The following FUT8 variants were observed in gnomAD, a reference collection of about 807,000 sequenced individuals.
The protein encoded by FUT8 is alpha-(1,6)-fucosyltransferase.
A neutral mutation model predicts 71.3 loss-of-function variants in FUT8; 29 were observed. The observed-to-expected ratio is 0.41, with a 90% CI of 0.30 to 0.55. The LOEUF (loss-of-function observed/expected upper bound fraction) is 0.55. Among genes scored for constraint, FUT8 ranks in the 20% least tolerant of loss-of-function variants. FUT8 has a pLI of 0.34. For missense variants in FUT8, 544 were observed against 702.1 expected, an observed-to-expected ratio of 0.77 and a Z score of 2.55; for synonymous variants, 254 against 239.3, an observed-to-expected ratio of 1.06 and a Z score of -0.57.
At chr14:65,521,345 ATT>A in intron 2 of FUT8, among the ~76,000 whole-genome samples, 2 of 152,326 alleles carry the variant, frequency 1.3e-5, no homozygotes, top group East Asian at 3.9e-4. Context: ...AAACATATAT[ATT>A]AGTCTAAATG....
At chr14:65,450,895 T>C (rs1394728619) in intron 1 of FUT8, among the ~76,000 whole-genome samples, 1 of 151,380 alleles carries the variant, frequency 6.6e-6, no homozygotes, top group African/African-American at 2.4e-5. Flanking sequence ...GAGGGAGTCT[T>C]CCCTCTGTCG....
chr14:65,683,705 T>C (rs1386347715), intron 7 of FUT8, among the ~76,000 whole-genome samples: 1 of 152,156 alleles, frequency 6.6e-6, no homozygotes, highest in Non-Finnish European at 1.5e-5. Context: ...TTTATGTGGA[T>C]TGAAAAATAT....
At chr14:65,432,048 ATTGCCAAATGG>A (rs2065484956) in intron 1 of FUT8, among the ~76,000 whole-genome samples, 1 of 152,120 alleles carries the variant, frequency 6.6e-6, no homozygotes, top group Non-Finnish European at 1.5e-5. Context: ...GACCTTCTGA[ATTGCCAAATGG>A]GGATTCTTCA....
chr14:65,531,212 C>T (rs184331280), intron 2 of FUT8, among the ~76,000 whole-genome samples: 44 of 151,736 alleles, frequency 2.9e-4, no homozygotes, highest in Non-Finnish European at 3.7e-4. Context: ...GAGGTACTCA[C>T]GAAAGATTTA....
intron 7 of FUT8, among the ~76,000 whole-genome samples, chr14:65,682,469 C>T (rs2140412052): frequency 6.6e-6 from 1 of 151,926 alleles, no homozygotes; most frequent in East Asian, 1.9e-4. Context: ...CATGCCATTG[C>T]ACTCCAGCCT....
rs912095119 is a variant in FUT8 at position 65,742,944 on chromosome 14, T to A, written c.*534T>A. ...GTTTTTGTTTTTGTTTTTTCCTTTA[T>A]AAGGTTGTCTGTTTTTTTTTTTTTA... is the stretch of plus-strand genomic sequence containing the variant. On this transcript the variant is annotated 3_prime_UTR_variant, in exon 11 of 11. Coordinates refer to ENST00000673929, the MANE Select transcript of FUT8 (RefSeq NM_001371533.1). The A allele has an allele frequency of 4.0e-5, 6 of 151,730 alleles. No individual in the cohort carries two copies. Among genetic ancestry groups the A allele is most frequent in the Non-Finnish European group, 8.8e-5 (6 of 68,078 alleles). 9.4% of individuals were successfully genotyped at this position (151,730 alleles called of 1,614,324 possible).
chr14:65,580,563 A>G (rs1887037899), intron 3 of FUT8, among the ~76,000 whole-genome samples: 6 of 152,060 alleles, frequency 3.9e-5, no homozygotes, highest in Admixed American at 3.9e-4. Flanking sequence ...AAGTTTGTTG[A>G]AAACCAGCAA....
intron 7 of FUT8, among the ~76,000 whole-genome samples, chr14:65,683,302 CA>C (rs1261671517): frequency 6.6e-6 from 1 of 152,152 alleles, no homozygotes; most frequent in Non-Finnish European, 1.5e-5. Context: ...CGTGAGCCAC[CA>C]CTCCTGGCCA....
intron 2 of FUT8, among the ~76,000 whole-genome samples, chr14:65,458,459 C>G (rs1208040145): frequency 6.7e-6 from 1 of 148,602 alleles, no homozygotes; most frequent in Non-Finnish European, 1.5e-5. Context: ...GTCTTTCTGC[C>G]TTGGGGAAAT....
the FUT8 span, among the ~76,000 whole-genome samples, chr14:65,373,820 C>T: frequency 2.0e-5 from 3 of 152,212 alleles, no homozygotes; most frequent in Non-Finnish European, 4.4e-5. Context: ...AGGAGGGAAA[C>T]AGTGTAGAGA....
chr14:65,488,343 G>A (rs1449677599), intron 2 of FUT8: 1 of 152,132 alleles, frequency 6.6e-6, no homozygotes. Flanking sequence ...AGTCAAATGA[G>A]ATCATTTTTG....
At chr14:65,573,682 C>CTG (rs1210059045) in intron 3 of FUT8, among the ~76,000 whole-genome samples, 1 of 150,680 alleles carries the variant, frequency 6.6e-6, no homozygotes, top group Admixed American at 6.6e-5. Context: ...ATGATCGTGC[C>CTG]TGTGAATAGC....
intron 1 of FUT8, among the ~76,000 whole-genome samples, chr14:65,442,993 T>TGTACATTA (rs2065684470): frequency 1.3e-5 from 2 of 152,122 alleles, no homozygotes; most frequent in South Asian, 2.1e-4. Flanking sequence ...TCATTAAGTA[T>TGTACATTA]AGAAAATGTA....
At chr14:65,381,655 C>T in the FUT8 span, among the ~76,000 whole-genome samples, 1 of 152,172 alleles carries the variant, frequency 6.6e-6, no homozygotes, top group African/African-American at 2.4e-5. Flanking sequence ...ACTCAACTTT[C>T]CTCAACTTAA....
chr14:65,653,231 T>C (rs924535707), intron 6 of FUT8, among the ~76,000 whole-genome samples: 8 of 152,150 alleles, frequency 5.3e-5, no homozygotes, highest in African/African-American at 1.9e-4. Flanking sequence ...GGGCTATTTA[T>C]TTATTTATTA....
At position 65,710,588 on chromosome 14, in the gene FUT8, AT is replaced by A. The variant is rs200153147; in HGVS notation, c.836-11178del. Among the ~76,000 whole-genome samples the A allele has an allele frequency of 3.5e-3, 531 of 151,302 alleles. 1 individual carries two copies. The highest frequency in any genetic ancestry group is 8.4e-3 in the Admixed American group (128 of 15,160). ...TTTGATAGCATATTTGTTGGTGATG[AT>A]TTTTTTTTAATCTATTTTTCTTTCA... is the stretch of plus-strand genomic sequence containing the variant. On this transcript the variant is annotated intron_variant, in intron 7 of 10. Transcript: ENST00000673929.
chr14:65,485,095 G>A (rs1409307640), intron 2 of FUT8, among the ~76,000 whole-genome samples: 1 of 151,946 alleles, frequency 6.6e-6, no homozygotes, highest in African/African-American at 2.4e-5. Context: ...CCAGCACTTT[G>A]GGAGTCTGAG....
intron 1 of FUT8, among the ~76,000 whole-genome samples, chr14:65,450,735 C>T (rs2065808929): frequency 6.6e-6 from 1 of 152,090 alleles, no homozygotes; most frequent in Non-Finnish European, 1.5e-5. Context: ...TTGATATTCA[C>T]CTATCATGAA....
intron 7 of FUT8, among the ~76,000 whole-genome samples, chr14:65,696,416 A>G (rs1893999257): frequency 6.6e-6 from 1 of 152,172 alleles, no homozygotes; most frequent in African/African-American, 2.4e-5. Flanking sequence ...CCTGAAGAGA[A>G]GGCACATGTA....
Sources: gnomAD v4.1 joint callset for allele counts (sites outside exome capture counted in the v4.1 genomes callset) on GRCh38, gnomAD v4.1.1 for gene constraint, MANE v1.5 for transcripts, NCBI Gene and HGNC (gene_info 2026-07-23, HGNC 2026-07-21) for gene names.